The following GRK5 variants were observed in gnomAD, a reference collection of about 807,000 sequenced individuals.
GRK5 encodes g protein-coupled receptor kinase GRK5.
In GRK5, 40 loss-of-function variants were observed where a neutral mutation model predicts 78.4. The observed-to-expected ratio is 0.51, with a 90% CI of 0.40 to 0.66. The LOEUF (loss-of-function observed/expected upper bound fraction) is 0.66. Ranked by LOEUF, GRK5 falls within the 30% of genes least tolerant of loss-of-function variation. The pLI is 0.00. For missense variants in GRK5, 598 were observed against 759.9 expected (o/e 0.79, Z 2.50); for synonymous variants, 289 against 296.8 (o/e 0.97, Z 0.27).
rs1361845574 is a variant in GRK5, at chr10:119,439,760, A to C, written c.959A>C (p.Asp320Ala). The C allele has an allele frequency of 1.2e-6, 2 of 1,613,800 alleles. No homozygotes were observed. Among genetic ancestry groups the C allele is most frequent in the Non-Finnish European group, 1.7e-6 (2 of 1,179,940 alleles). ...CTGAAACCTGAAAACATCCTGTTAG[A>C]TGATTATGGTAAGTCTTTTCCTACT... ...RDLKPENILL[D>A]DYGHIRISDL... Residue 320 changes from aspartate (D) to alanine (A), a missense_variant, in exon 10 of 16, where the codon GAT becomes GCT. Physicochemically the swap from Asp to Ala is moderately radical, Grantham distance 126. Transcript: ENST00000392870.
At chr10:119,232,010 T>A (rs1848839312) in intron 1 of GRK5, among the ~76,000 whole-genome samples, 1 of 152,182 alleles carries the variant, frequency 6.6e-6, no homozygotes. Context: ...AATAAGTGCA[T>A]CAAAGAGACA....
intron 1 of GRK5, chr10:119,211,855 A>G (rs1247401862): frequency 6.6e-6 from 1 of 152,198 alleles, no homozygotes; most frequent in Non-Finnish European, 1.5e-5. Context: ...GGACAGACTT[A>G]ACATTCCACA....
Position 119,452,763 on chromosome 10 carries a change from C to T in GRK5, c.1497C>T (p.Tyr499=). Residue 499 remains tyrosine, a synonymous_variant, in exon 14 of 16, where the codon TAC becomes TAT. Coordinates refer to ENST00000392870, the MANE Select transcript of GRK5 (RefSeq NM_005308.3). The surrounding 1 kb of genome is among the most constrained non-coding windows in gnomAD (Gnocchi z 4.4). ...TGGACCACACAGACGACGACTTCTA[C>T]TCCAAGTTCTCCACGGGCTCTGTGT... The part of the protein sequence containing the change: ...VNLDHTDDDF[Y]SKFSTGSVSI... The T allele has an allele frequency of 1.2e-6, 2 of 1,613,960 alleles. No homozygotes were observed. The highest frequency in any genetic ancestry group is 1.7e-6 in the Non-Finnish European group (2 of 1,179,944).
chr10:119,372,345 C>A (rs1410108676), intron 2 of GRK5, among the ~76,000 whole-genome samples: 4 of 152,228 alleles, frequency 2.6e-5, no homozygotes, highest in Non-Finnish European at 5.9e-5. Context: ...TCATGAGGAT[C>A]CAACTTCGTG....
intron 1 of GRK5, among the ~76,000 whole-genome samples, chr10:119,323,602 G>C (rs1235549357): frequency 1.3e-5 from 2 of 152,208 alleles, no homozygotes; most frequent in Non-Finnish European, 2.9e-5. Flanking sequence ...GCTGTCCCCC[G>C]GGCAGCTGCT....
At chr10:119,250,891 C>A (rs2133753051) in intron 1 of GRK5, among the ~76,000 whole-genome samples, 1 of 152,238 alleles carries the variant, frequency 6.6e-6, no homozygotes, top group African/African-American at 2.4e-5. Context: ...CATAGATAAC[C>A]CGTTGTTGGG....
intron 1 of GRK5, among the ~76,000 whole-genome samples, chr10:119,296,207 AC>A (rs1176760514): frequency 6.6e-6 from 1 of 152,212 alleles, no homozygotes; most frequent in African/African-American, 2.4e-5. Flanking sequence ...AATGGCTGCG[AC>A]AGTTCCAGGC....
intron 1 of GRK5, among the ~76,000 whole-genome samples, chr10:119,308,894 C>T (rs1048052347): frequency 2.6e-5 from 4 of 152,330 alleles, no homozygotes; most frequent in South Asian, 2.1e-4. Context: ...GATGGCCTGC[C>T]GGCCCTTTTC....
chr10:119,297,714 C>T (rs1404311668), intron 1 of GRK5, among the ~76,000 whole-genome samples: 1 of 152,182 alleles, frequency 6.6e-6, no homozygotes, highest in Admixed American at 6.5e-5. Context: ...TTCTGCCTTC[C>T]ACCACAGAGT....
At chr10:119,288,534 G>A (rs913740990) in intron 1 of GRK5, among the ~76,000 whole-genome samples, 1 of 152,210 alleles carries the variant, frequency 6.6e-6, no homozygotes, top group Non-Finnish European at 1.5e-5. Flanking sequence ...CCAAGCTGAG[G>A]GACCATCCCG....
In GRK5 at chr10:119,448,684, C is replaced by T. The variant is rs77833162; in HGVS notation, c.1404+424C>T. Reference sequence around the variant, plus strand: ...TTCATCTTGACCAGCATGCATGCATCGAGCACTACTGTTGACGCCAGGTTC... The same window carrying T: ...TTCATCTTGACCAGCATGCATGCATTGAGCACTACTGTTGACGCCAGGTTC... On this transcript the variant is annotated intron_variant, in intron 13 of 15. Coordinates refer to ENST00000392870, the MANE Select transcript of GRK5 (RefSeq NM_005308.3). Among the ~76,000 whole-genome samples, 20 of 152,200 alleles carry T rather than the reference C, an allele frequency of 1.3e-4. No homozygotes were observed. In the East Asian group the frequency reaches 3.5e-3, roughly 27 times the overall value.
At chr10:119,285,663 G>A (rs145021015) in intron 1 of GRK5, among the ~76,000 whole-genome samples, 15 of 152,310 alleles carry the variant, frequency 9.8e-5, no homozygotes, top group Admixed American at 2.6e-4. Flanking sequence ...TTAAAAGCCC[G>A]CACTGGGTGA....
intron 8 of GRK5, among the ~76,000 whole-genome samples, chr10:119,434,970 C>T (rs900725992): frequency 1.3e-5 from 2 of 152,258 alleles, no homozygotes; most frequent in Non-Finnish European, 2.9e-5. Context: ...CTTCTGTGCA[C>T]TCGCAGGCTC....
At chr10:119,395,283 A>G (rs1057045960) in intron 3 of GRK5, among the ~76,000 whole-genome samples, 3 of 152,242 alleles carry the variant, frequency 2.0e-5, no homozygotes, top group Non-Finnish European at 4.4e-5. Context: ...AGAGAGGGCA[A>G]GACAAGGACA....
chr10:119,315,303 G>A (rs945785673), intron 1 of GRK5, among the ~76,000 whole-genome samples: 2 of 152,336 alleles, frequency 1.3e-5, no homozygotes, highest in East Asian at 1.9e-4. Context: ...ACTCGGTGAC[G>A]CAGCCCCTGA....
chr10:119,207,886 CG>C lies in GRK5; in HGVS notation c.-30del, dbSNP rs1564848020. ...GCACCCCAGGCGCTGACAGCCCCGC[CG>C]GCCGGCTCCGTTGCTGACCGCCGAC... is the stretch of plus-strand genomic sequence containing the variant. On this transcript the variant is annotated 5_prime_UTR_variant, in exon 1 of 16. Coordinates refer to ENST00000392870, the MANE Select transcript of GRK5 (RefSeq NM_005308.3). 1.3e-6 allele frequency: 2 copies of C among 1,581,294 alleles called. No individual in the cohort carries two copies. The highest frequency in any genetic ancestry group is 2.3e-5 in the South Asian group (2 of 87,040).
chr10:119,355,722 A>G (rs372238420), intron 2 of GRK5, among the ~76,000 whole-genome samples: 3 of 152,248 alleles, frequency 2.0e-5, no homozygotes, highest in Admixed American at 6.5e-5. Context: ...AGAGGTTGCA[A>G]TGAGCTGAGA....
Position 119,452,741 on chromosome 10 carries a change from A to AC in GRK5, c.1477dup (p.His493ProfsTer30). 1 of 1,610,180 alleles carries AC rather than the reference A, an allele frequency of 6.2e-7. No individual in the cohort carries two copies. The highest frequency in any genetic ancestry group is 2.2e-5 in the East Asian group (1 of 44,650). Reference sequence around the variant, plus strand: ...TCCACTGTGAAGGGCGTCAATCTGGACCACACAGACGACGACTTCTACTCC... The same window carrying AC: ...TCCACTGTGAAGGGCGTCAATCTGGACCCACACAGACGACGACTTCTACTCC... On this transcript the variant is annotated frameshift_variant, in exon 14 of 16. Transcript: ENST00000392870. LOFTEE classifies it high-confidence loss of function. This position sits in a 1 kb window ranked among gnomAD's most constrained non-coding sequence, Gnocchi z 4.4.
chr10:119,347,399 G>A (rs1310714152), intron 2 of GRK5, among the ~76,000 whole-genome samples: 1 of 152,074 alleles, frequency 6.6e-6, no homozygotes, highest in Non-Finnish European at 1.5e-5. Context: ...GAGTGTGCAT[G>A]TGTGTGCGTG....
Sources: gnomAD v4.1 joint callset for allele counts (sites outside exome capture counted in the v4.1 genomes callset) on GRCh38, gnomAD v4.1.1 for gene constraint, Gnocchi (gnomAD v3.1) non-coding constraint, MANE v1.5 for transcripts, NCBI Gene and HGNC (gene_info 2026-07-23, HGNC 2026-07-21) for gene names.